DPP6: variants seen among roughly 807,000 people sequenced by gnomAD.
DPP6 encodes dipeptidyl peptidase like 6.
DPP6 carries 69 observed loss-of-function variants against 122.6 expected under a neutral mutation model. That is an observed-to-expected ratio of 0.56 (90% CI 0.46 to 0.69). The LOEUF is 0.69. Among genes scored for constraint, DPP6 ranks in the 30% least tolerant of loss-of-function variants. DPP6 has a pLI of 0.00. For missense variants in DPP6, 928 were observed against 1,116.9 expected (o/e 0.83, Z 2.41); for synonymous variants, 418 against 433.1 (o/e 0.97, Z 0.43).
chr7:154,527,473 A>T (rs148299289), intron 3 of DPP6, among the ~76,000 whole-genome samples: 20 of 152,356 alleles, frequency 1.3e-4, no homozygotes, highest in African/African-American at 4.8e-4. Flanking sequence ...CTGTCTTAAG[A>T]TATGTGTATG....
chr7:154,741,299 T>A, intron 8 of DPP6, among the ~76,000 whole-genome samples: 1 of 152,158 alleles, frequency 6.6e-6, no homozygotes, highest in Admixed American at 6.5e-5. Flanking sequence ...CTGAGTCAAG[T>A]CCCAGAGCCC....
At chr7:154,272,844 T>C (rs1563398321) in intron 1 of DPP6, among the ~76,000 whole-genome samples, 3 of 152,180 alleles carry the variant, frequency 2.0e-5, no homozygotes, top group Admixed American at 1.3e-4. Flanking sequence ...AATCTTCTGT[T>C]CACCCTCACA....
chr7:154,645,217 C>T lies in DPP6; in HGVS notation c.680+7344C>T, dbSNP rs1312264257. ...AGTAGCTGGGACTACAGGCGCCCAC[C>T]ACCACGCCCGGCTAATTTTTTGTAT... On this transcript the variant is annotated intron_variant, in intron 6 of 25. Transcript: ENST00000377770. 2.6e-5 allele frequency among the ~76,000 whole-genome samples: 4 copies of T among 151,912 alleles called. No individual in the cohort carries two copies. In the East Asian group the frequency reaches 7.8e-4, roughly 29 times the overall value.
intron 1 of DPP6, among the ~76,000 whole-genome samples, chr7:154,155,629 A>G (rs553353015): frequency 6.6e-6 from 1 of 152,332 alleles, no homozygotes; most frequent in African/African-American, 2.4e-5. Context: ...AACAGTTCCT[A>G]TGTAGAAACT....
intron 5 of DPP6, among the ~76,000 whole-genome samples, chr7:154,626,853 G>A (rs1835099500): frequency 6.6e-6 from 1 of 152,130 alleles, no homozygotes; most frequent in Non-Finnish European, 1.5e-5. Context: ...GAGCAGTGAA[G>A]GAAAGATGTG....
intron 10 of DPP6, among the ~76,000 whole-genome samples, chr7:154,776,046 C>T (rs561301764): frequency 6.6e-6 from 1 of 152,060 alleles, no homozygotes; most frequent in East Asian, 1.9e-4. Flanking sequence ...CCCCCTCCTG[C>T]CCCACCCACT....
Position 153,919,739 on chromosome 7 carries a change from G to T in DPP6, c.51+32005G>T, listed in dbSNP as rs149155525. Among the ~76,000 whole-genome samples the T allele has an allele frequency of 2.4e-3, 359 of 152,240 alleles. 5 individuals carry two copies. The highest frequency in any genetic ancestry group is 8.2e-3 in the African/African-American group (341 of 41,562). ...ATTGTGTCAAATACTTCTAAAAAAT[G>T]AAAGCTTCGGCCTCTGTTTCATGAA... On this transcript the variant is annotated intron_variant, in intron 1 of 25. Coordinates refer to the DPP6 transcript ENST00000404039.
rs10085546 is a variant in DPP6, at chr7:154,664,093, C to A, written c.681-5267C>A. On this transcript the variant is annotated intron_variant, in intron 6 of 25. Coordinates refer to ENST00000377770, the MANE Select transcript of DPP6 (RefSeq NM_130797.4). ...GTCATGGTGAATCACCATGGCGTAT[C>A]GGCCGTAGTGTTCATATAGTCATGG... Among the ~76,000 whole-genome samples, 7 of 32,598 alleles carry A rather than the reference C, an allele frequency of 2.1e-4. 1 individual carries two copies. Among genetic ancestry groups the A allele is most frequent in the African/African-American group, 4.3e-4 (7 of 16,186 alleles). The allele number at this position is 32,598 out of a possible 152,430, so 21.4% of individuals were successfully genotyped here.
At chr7:154,809,942 T>C (rs1798943975) in intron 16 of DPP6, among the ~76,000 whole-genome samples, 1 of 152,216 alleles carries the variant, frequency 6.6e-6, no homozygotes, top group African/African-American at 2.4e-5. Flanking sequence ...CCATCTCAGC[T>C]CACTGCAACC....
intron 11 of DPP6, among the ~76,000 whole-genome samples, chr7:154,794,696 T>C (rs905212686): frequency 1.9e-4 from 28 of 150,372 alleles, no homozygotes; most frequent in Non-Finnish European, 3.7e-4. Flanking sequence ...AAGGTAAACG[T>C]AGGGGAAAGA....
intron 1 of DPP6, among the ~76,000 whole-genome samples, chr7:154,226,335 A>G (rs1800601931): frequency 6.6e-6 from 1 of 152,214 alleles, no homozygotes; most frequent in Non-Finnish European, 1.5e-5. Context: ...ATGTGAGTTG[A>G]TGAATGTCAA....
At chr7:154,349,777 C>A (rs1432108682) in intron 1 of DPP6, among the ~76,000 whole-genome samples, 2 of 152,126 alleles carry the variant, frequency 1.3e-5, no homozygotes, top group African/African-American at 4.8e-5. Flanking sequence ...CTGAAGACCT[C>A]TGTAAAGATT....
chr7:154,594,433 GAATGAATC>G (rs1586702324), intron 5 of DPP6, among the ~76,000 whole-genome samples: 1 of 152,078 alleles, frequency 6.6e-6, no homozygotes, highest in African/African-American at 2.4e-5. Context: ...AATAAACAAT[GAATGAATC>G]AATGAATCAA....
intron 1 of DPP6, among the ~76,000 whole-genome samples, chr7:154,081,235 G>A (rs1370160924): frequency 2.0e-5 from 3 of 150,760 alleles, no homozygotes; most frequent in Admixed American, 2.0e-4. Flanking sequence ...CCTCTGTGGG[G>A]GATGAGTGTG....
At chr7:154,714,714 C>T (rs2131316940) in intron 7 of DPP6, among the ~76,000 whole-genome samples, 1 of 152,310 alleles carries the variant, frequency 6.6e-6, no homozygotes, top group Admixed American at 6.5e-5. Context: ...GGTGGAGACA[C>T]AGCCAAACCA....
chr7:154,141,715 G>T (rs71534109), intron 1 of DPP6, among the ~76,000 whole-genome samples: 10 of 152,110 alleles, frequency 6.6e-5, no homozygotes, highest in African/African-American at 1.4e-4. Context: ...AGTTACAGTT[G>T]TACCTAGCAT....
At chr7:154,473,695 G>A (rs1256623658) in intron 2 of DPP6, among the ~76,000 whole-genome samples, 1 of 152,118 alleles carries the variant, frequency 6.6e-6, no homozygotes, top group Non-Finnish European at 1.5e-5. Flanking sequence ...ACCTGCCACA[G>A]AGTTTAAAAC....
rs527686155 is a variant in DPP6 at position 154,377,912 on chromosome 7, G to T, written c.244-68302G>T. On this transcript the variant is annotated intron_variant, in intron 1 of 25. Coordinates refer to ENST00000377770, the MANE Select transcript of DPP6 (RefSeq NM_130797.4). The stretch of plus-strand genomic sequence containing the variant: ...AGCCACTTGGGCACTGCATGGATTT[G>T]GGTGAGCCGGGGAAGATGTCAACCC... 5.9e-5 allele frequency among the ~76,000 whole-genome samples: 9 copies of T among 152,320 alleles called. No individual in the cohort carries two copies. The East Asian group carries it at 1.7e-3, about 29-fold the overall frequency.
chr7:153,939,304 A>G (rs1801594810), intron 1 of DPP6, among the ~76,000 whole-genome samples: 1 of 152,198 alleles, frequency 6.6e-6, no homozygotes, highest in Non-Finnish European at 1.5e-5. Flanking sequence ...AGTCACAGCC[A>G]TTTGCAATTT....
Sources: gnomAD v4.1 joint callset for allele counts (sites outside exome capture counted in the v4.1 genomes callset) on GRCh38, gnomAD v4.1.1 for gene constraint, MANE v1.5 for transcripts, NCBI Gene and HGNC (gene_info 2026-07-23, HGNC 2026-07-21) for gene names.